ACP7: variants seen among roughly 807,000 people sequenced by gnomAD.
ACP7 encodes the protein acid phosphatase type 7.
ACP7 carries 58 observed loss-of-function variants against 60.6 expected under a neutral mutation model. That is an observed-to-expected ratio of 0.96 (90% CI 0.77 to 1.19). ACP7 has a LOEUF of 1.19. Ranked by LOEUF, ACP7 falls within the 50% of genes most tolerant of loss-of-function variation. The pLI, the probability that ACP7 is intolerant of heterozygous loss-of-function variation, is 0.00. For missense variants in ACP7, 574 were observed against 596.2 expected (o/e 0.96, Z 0.39); for synonymous variants, 237 against 232.6 (o/e 1.02, Z -0.17).
At chr19:39,109,921 A>G (rs549401181) in intron 12 of ACP7, 132 bp from the exon 13 acceptor site, 1 of 803,722 alleles carries the variant, frequency 1.2e-6, no homozygotes, top group East Asian at 2.5e-5. Context: ...ACTGAGGCCC[A>G]GAGAGGCCTA....
intron 3 of ACP7, 43 bp from the exon 4 acceptor site, chr19:39,098,917 C>T: frequency 6.4e-7 from 1 of 1,552,048 alleles, no homozygotes. Flanking sequence ...GGGAGGGTCC[C>T]GGGGCGCCCC....
chr19:39,105,966 G>A (rs1174349384), intron 11 of ACP7, among the ~76,000 whole-genome samples: 3 of 152,010 alleles, frequency 2.0e-5, no homozygotes, highest in South Asian at 2.1e-4. Flanking sequence ...TTTTTCCTTT[G>A]TAATTAACAA....
chr19:39,099,106 A>T lies in ACP7; in HGVS notation c.469A>T (p.Thr157Ser). 1 of 1,593,182 alleles carries T rather than the reference A, an allele frequency of 6.3e-7. No homozygotes were observed. The highest frequency in any genetic ancestry group is 8.5e-7 in the Non-Finnish European group (1 of 1,171,372). ...GGCCGTCCCCCGGCTGCGCAGGGACACCCAGCAGGGCATGTATGACGCCGT... is the reference window on the plus strand; with the variant it reads ...GGCCGTCCCCCGGCTGCGCAGGGACTCCCAGCAGGGCATGTATGACGCCGT... ...PKAVPRLRRD[T>S]QQGMYDAVLH... Residue 157 changes from threonine (T) to serine (S), a missense_variant, in exon 4 of 13, where the codon ACC (threonine) becomes TCC (serine). By Grantham distance (58) the Thr-to-Ser change is moderately conservative. Transcript: ENST00000331256.
intron 2 of ACP7, among the ~76,000 whole-genome samples, chr19:39,093,174 CCTTCCTTCCT>C: frequency 2.1e-5 from 1 of 47,804 alleles, no homozygotes; most frequent in Non-Finnish European, 4.2e-5. Flanking sequence ...TTCTTTCTCT[CCTTCCTTCCT>C]TCCTTCTTTC....
chr19:39,097,778 TTAA>T (rs545708808), intron 2 of ACP7, among the ~76,000 whole-genome samples: 168 of 152,102 alleles, frequency 1.1e-3, no homozygotes, highest in African/African-American at 4.0e-3. Flanking sequence ...AATAATGATA[TTAA>T]TAATAATACT....
At chr19:39,093,143 C>CTTTCTTTCCTTCTTTCT (rs373399597) in intron 2 of ACP7, among the ~76,000 whole-genome samples, 1 of 104,568 alleles carries the variant, frequency 9.6e-6, no homozygotes, top group African/African-American at 3.8e-5. Flanking sequence ...TTCCCTCACT[C>CTTTCTTTCCTTCTTTCT]CTTTCTTTCT....
chr19:39,110,969 G>A lies in ACP7; in HGVS notation c.*851G>A, dbSNP rs2145053801. The A allele has an allele frequency of 6.6e-6, 1 of 152,332 alleles. No individual in the cohort carries two copies. The highest frequency in any genetic ancestry group is 6.5e-5 in the Admixed American group (1 of 15,296). The allele number at this position is 152,332 out of a possible 1,614,324, so 9.4% of individuals were successfully genotyped here. ...TCACGATAAATGAGTTGGTTAAATA[G>A]CGATTTGTGAGTAGAAAACGCAGGG... On this transcript the variant is annotated 3_prime_UTR_variant, in exon 13 of 13. Coordinates refer to ENST00000331256, the MANE Select transcript of ACP7 (RefSeq NM_001004318.3).
At chr19:39,099,259 AGGGCTG>A in intron 4 of ACP7, 117 bp downstream of exon 4, 1 of 1,173,884 alleles carries the variant, frequency 8.5e-7, no homozygotes, top group Non-Finnish European at 1.1e-6. Context: ...TGGAGGGGAC[AGGGCTG>A]GGGCCAGTGT....
chr19:39,102,824 T>C (rs185299216), intron 11 of ACP7, among the ~76,000 whole-genome samples: 11 of 147,730 alleles, frequency 7.4e-5, no homozygotes, highest in African/African-American at 2.2e-4. Context: ...CTCCCTCCCT[T>C]CCTTCCTTCC....
Position 39,098,489 on chromosome 19 carries a change from C to A in ACP7, c.153C>A (p.Thr51=). ...CAGGCTCCATGACTGTAACTTGGAC[C>A]ACATGGGTCCCAACCCGCTCTGAAG... ...GEPGSMTVTW[T]TWVPTRSEVQ... The change falls in exon 3 of 13, where the codon ACC becomes ACA. Residue 51 remains threonine (T), a synonymous_variant. Coordinates refer to ENST00000331256, the MANE Select transcript of ACP7 (RefSeq NM_001004318.3). The A allele has an allele frequency of 6.3e-7, 1 of 1,592,822 alleles. No individual in the cohort carries two copies. The highest frequency in any genetic ancestry group is 8.5e-7 in the Non-Finnish European group (1 of 1,169,938).
At chr19:39,094,519 A>G (rs915455646) in intron 2 of ACP7, among the ~76,000 whole-genome samples, 10 of 145,572 alleles carry the variant, frequency 6.9e-5, no homozygotes, top group Non-Finnish European at 1.5e-4. Context: ...AAAAAAAAAG[A>G]TGTGTTCTAG....
At chr19:39,098,275 A>AAAAAAAAAAAG (rs2073292655) in intron 2 of ACP7, among the ~76,000 whole-genome samples, 183 bp from the exon 3 acceptor site, 1 of 126,634 alleles carries the variant, frequency 7.9e-6, no homozygotes, top group African/African-American at 2.9e-5. Flanking sequence ...AAAAAAAAAA[A>AAAAAAAAAAAG]AAAAGAAAAG....
intron 2 of ACP7, among the ~76,000 whole-genome samples, chr19:39,087,396 G>T (rs939523520): frequency 2.6e-5 from 4 of 152,138 alleles, no homozygotes; most frequent in African/African-American, 9.7e-5. Context: ...GTGATTTGTT[G>T]TTTTGGATTT....
rs939916140 is a variant in ACP7 at position 39,110,591 on chromosome 19, G to C, written c.*473G>C. On this transcript the variant is annotated 3_prime_UTR_variant, in exon 13 of 13. Coordinates refer to ENST00000331256, the MANE Select transcript of ACP7 (RefSeq NM_001004318.3). ...GTCAGGGGCTTTTTCTTCTGAGCCC[G>C]GCACTGAGAGTTGGTCTGAAGCCTG... is the stretch of plus-strand genomic sequence containing the variant. 6.3e-6 allele frequency: 1 copy of C among 158,054 alleles called. No individual in the cohort carries two copies. The highest frequency in any genetic ancestry group is 1.4e-5 in the Non-Finnish European group (1 of 71,426). 9.8% of individuals were successfully genotyped at this position (158,054 alleles called of 1,614,324 possible). A position where few individuals can be genotyped will look rare whatever the true frequency, so the allele number is the denominator to read the frequency against.
At chr19:39,101,805 A>G (rs192490962) in intron 11 of ACP7, among the ~76,000 whole-genome samples, 13 of 152,032 alleles carry the variant, frequency 8.6e-5, no homozygotes, top group Admixed American at 8.5e-4. Flanking sequence ...TCCCTTTTTA[A>G]TTAATAACTA....
At chr19:39,107,578 CAAAAAAAAAAA>C (rs34130688) in intron 12 of ACP7, among the ~76,000 whole-genome samples, 1 of 81,226 alleles carries the variant, frequency 1.2e-5, no homozygotes, top group Admixed American at 1.5e-4. Context: ...GACTCTGTCT[CAAAAAAAAAAA>C]AAAAAAAAAA....
intron 2 of ACP7, among the ~76,000 whole-genome samples, chr19:39,095,284 C>A (rs928357715): frequency 2.0e-5 from 3 of 152,220 alleles, no homozygotes; most frequent in Admixed American, 6.5e-5. Context: ...AAGCTAGTTA[C>A]TTCCTAGATA....
Position 39,085,235 on chromosome 19 carries a change from G to A in ACP7, c.-35G>A. ...GGGAGCTGATCTCCTCAGTCCCCCT[G>A]CTTTTCCCCGGTCTGCCATCACCAC... On this transcript the variant is annotated 5_prime_UTR_variant, in exon 2 of 13. Transcript: ENST00000331256. 1 of 1,598,776 alleles carries A rather than the reference G, an allele frequency of 6.3e-7. No individual in the cohort carries two copies. Among genetic ancestry groups the A allele is most frequent in the African/African-American group, 1.3e-5 (1 of 74,674 alleles).
In ACP7 at chr19:39,098,435, A is replaced by G. The variant is rs112408531; in HGVS notation, c.122-23A>G. 46 of 1,495,902 alleles carry G rather than the reference A, an allele frequency of 3.1e-5. No homozygotes were observed. The African/African-American group carries it at 4.2e-4, about 14-fold the overall frequency. 92.7% of individuals were successfully genotyped at this position (1,495,902 alleles called of 1,614,324 possible). A position where few individuals can be genotyped will look rare whatever the true frequency, so the allele number is the denominator to read the frequency against. ...CCTGCCCAGGCTTCACTCCCGGTCT[A>G]CCCTCTGTCCCTTTCTCCCCAGGTG... On this transcript the variant is annotated intron_variant, in intron 2 of 12. Transcript: ENST00000331256.
Sources: gnomAD v4.1 joint callset for allele counts (sites outside exome capture counted in the v4.1 genomes callset) on GRCh38, gnomAD v4.1.1 for gene constraint, MANE v1.5 for transcripts, NCBI Gene and HGNC (gene_info 2026-07-23, HGNC 2026-07-21) for gene names.